S100Z: variants seen among roughly 807,000 people sequenced by gnomAD.
S100Z encodes the protein S100 calcium binding protein Z.
S100Z carries 11 observed loss-of-function variants against 8.5 expected under a neutral mutation model. The ratio of observed to expected loss-of-function variants is 1.30; its 90% CI spans 0.82 to 2.15. The LOEUF (loss-of-function observed/expected upper bound fraction) is 2.15, where lower values mean the gene tolerates loss of function less well. Among genes scored for constraint, S100Z ranks in the 30% most tolerant of loss-of-function variants. S100Z has a pLI of 0.00. For missense variants in S100Z, 126 were observed against 117.9 expected (o/e 1.07, Z -0.32); for synonymous variants, 34 against 43.8 (o/e 0.78, Z 0.89).
At chr5:76,887,125 T>A (rs1230211523) in intron 4 of S100Z, among the ~76,000 whole-genome samples, 1 of 150,048 alleles carries the variant, frequency 6.7e-6, no homozygotes, top group Non-Finnish European at 1.5e-5. Flanking sequence ...CGAGACAGAG[T>A]CTTGCTCTGT....
the S100Z span, among the ~76,000 whole-genome samples, chr5:76,947,165 G>A: frequency 6.6e-6 from 1 of 152,176 alleles, no homozygotes; most frequent in Admixed American, 6.5e-5. Flanking sequence ...CTGGGGAGTG[G>A]CATTCACACT....
At chr5:76,911,838 AC>A (rs1435538493) in intron 4 of S100Z, among the ~76,000 whole-genome samples, 31 of 152,062 alleles carry the variant, frequency 2.0e-4, no homozygotes, top group African/African-American at 7.5e-4. Flanking sequence ...GCTTATCCTC[AC>A]CCTAAGACAT....
chr5:76,856,854 A>G (rs1185059827), intron 1 of S100Z, among the ~76,000 whole-genome samples: 2 of 152,216 alleles, frequency 1.3e-5, no homozygotes, highest in African/African-American at 2.4e-5. Flanking sequence ...AGGTAAAACC[A>G]TCACAGTAGA....
At chr5:76,948,559 C>A in the S100Z span, among the ~76,000 whole-genome samples, 5 of 152,090 alleles carry the variant, frequency 3.3e-5, no homozygotes, top group African/African-American at 1.2e-4. Context: ...ATACAAATGG[C>A]CAACCAGTAT....
At chr5:76,940,083 G>T in the S100Z span, among the ~76,000 whole-genome samples, 1 of 146,814 alleles carries the variant, frequency 6.8e-6, no homozygotes, top group Non-Finnish European at 1.5e-5. Context: ...CTTGAGCCCA[G>T]AAGGCGGAGG....
intron 4 of S100Z, among the ~76,000 whole-genome samples, chr5:76,901,393 T>C (rs1222642327): frequency 6.6e-6 from 1 of 152,154 alleles, no homozygotes; most frequent in Non-Finnish European, 1.5e-5. Context: ...ACATTAGAAG[T>C]CTACCTGGTA....
chr5:76,922,047 A>G (rs1745057906), downstream of S100Z, among the ~76,000 whole-genome samples: 2 of 151,938 alleles, frequency 1.3e-5, no homozygotes, highest in African/African-American at 2.4e-5. Context: ...TTTTATCCCT[A>G]CATGTTCAGA....
intron 4 of S100Z, among the ~76,000 whole-genome samples, chr5:76,904,164 A>C (rs1489969575): frequency 6.6e-6 from 1 of 152,054 alleles, no homozygotes; most frequent in African/African-American, 2.4e-5. Context: ...TCTTTGCCAA[A>C]TATGTGTTTT....
chr5:76,881,821 C>T (rs139250925), intron 4 of S100Z, among the ~76,000 whole-genome samples: 2,463 of 152,280 alleles, frequency 0.016, 31 homozygotes, highest in Non-Finnish European at 0.026. Context: ...TTTTTAGCTA[C>T]CTTGTCAGCA....
intron 1 of S100Z, among the ~76,000 whole-genome samples, chr5:76,857,505 T>TC (rs1750918832): frequency 6.6e-6 from 1 of 150,404 alleles, no homozygotes; most frequent in African/African-American, 2.4e-5. Context: ...CCCATTTTTT[T>TC]TTTTTTTTTT....
At chr5:76,850,939 C>T (rs1301300999) in intron 1 of S100Z, among the ~76,000 whole-genome samples, 4 of 152,166 alleles carry the variant, frequency 2.6e-5, no homozygotes, top group Non-Finnish European at 2.9e-5. Flanking sequence ...GCTGCGATTA[C>T]AGGCATGAGC....
intron 4 of S100Z, among the ~76,000 whole-genome samples, chr5:76,884,728 G>C (rs1019930204): frequency 6.6e-6 from 1 of 152,178 alleles, no homozygotes; most frequent in East Asian, 1.9e-4. Flanking sequence ...GACTGGGTGT[G>C]AGGAGGGGAG....
At chr5:76,914,232 T>C (rs1356766219) in intron 4 of S100Z, among the ~76,000 whole-genome samples, 3 of 151,886 alleles carry the variant, frequency 2.0e-5, no homozygotes, top group African/African-American at 4.8e-5. Flanking sequence ...CCAACAGCAG[T>C]TGGGGCATCC....
intron 3 of S100Z, 31 bp downstream of exon 3, chr5:76,875,531 A>G (rs561924265): frequency 1.5e-5 from 23 of 1,577,190 alleles, no homozygotes; most frequent in Middle Eastern, 1.7e-4. Flanking sequence ...TGCTGTATTC[A>G]TTTGAGGGTA....
chr5:76,867,807 C>G (rs1742827598), intron 1 of S100Z, among the ~76,000 whole-genome samples: 1 of 152,108 alleles, frequency 6.6e-6, no homozygotes, highest in Non-Finnish European at 1.5e-5. Flanking sequence ...GTCTCAAACT[C>G]CTGACCTCAG....
downstream of S100Z, among the ~76,000 whole-genome samples, chr5:76,922,672 C>T (rs1471804061): frequency 3.3e-5 from 5 of 152,216 alleles, no homozygotes; most frequent in South Asian, 2.1e-4. Flanking sequence ...TACAGGCACC[C>T]GCTACCACGC....
At chr5:76,924,874 C>T (rs867489019), downstream of S100Z, among the ~76,000 whole-genome samples, 5 of 150,736 alleles carry the variant, frequency 3.3e-5, no homozygotes, top group Middle Eastern at 6.8e-3. Context: ...GATGGCGCCA[C>T]GGCACTCCAG....
At chr5:76,921,982 C>G (rs1426875503), downstream of S100Z, among the ~76,000 whole-genome samples, 1 of 139,418 alleles carries the variant, frequency 7.2e-6, no homozygotes, top group Admixed American at 7.3e-5. Flanking sequence ...GAGTGAGAGA[C>G]TGTCTCAAAA....
the S100Z span, among the ~76,000 whole-genome samples, chr5:76,937,162 G>T: frequency 1.2e-4 from 18 of 151,882 alleles, no homozygotes; most frequent in Non-Finnish European, 2.2e-4. Flanking sequence ...CTTCATAAAG[G>T]CTAAATTTAT....
Sources: gnomAD v4.1 joint callset for allele counts (sites outside exome capture counted in the v4.1 genomes callset) on GRCh38, gnomAD v4.1.1 for gene constraint, MANE v1.5 for transcripts, NCBI Gene and HGNC (gene_info 2026-07-23, HGNC 2026-07-21) for gene names.